The following GRIK1 variants were observed in gnomAD, a reference collection of about 807,000 sequenced individuals.
GRIK1 encodes the protein glutamate ionotropic receptor kainate type subunit 1.
A neutral mutation model predicts 105.7 loss-of-function variants in GRIK1; 69 were observed. The ratio of observed to expected loss-of-function variants is 0.65; its 90% CI spans 0.54 to 0.80. The LOEUF (loss-of-function observed/expected upper bound fraction) is 0.80. Ranked by LOEUF, GRIK1 falls within the 30% of genes least tolerant of loss-of-function variation. The pLI is 0.00. For missense variants in GRIK1, 1,109 were observed against 1,167.3 expected (o/e 0.95, Z 0.73); for synonymous variants, 438 against 431.3 (o/e 1.02, Z -0.19).
chr21:29,786,070 C>T (rs946250748), intron 1 of GRIK1, among the ~76,000 whole-genome samples: 9 of 152,214 alleles, frequency 5.9e-5, no homozygotes, highest in Non-Finnish European at 5.9e-5. Context: ...TCACTGCAAC[C>T]TCTGACTCTC....
chr21:29,656,357 A>AAAAAAAAAAAAC (rs2062851272), intron 4 of GRIK1, among the ~76,000 whole-genome samples: 1 of 85,266 alleles, frequency 1.2e-5, no homozygotes, highest in Non-Finnish European at 2.1e-5. Context: ...CGAGACTCAA[A>AAAAAAAAAAAAC]AAAAAAAAAA....
chr21:29,864,951 T>G (rs467664), intron 1 of GRIK1, among the ~76,000 whole-genome samples: 52,984 of 152,072 alleles, frequency 0.35, 10,618 homozygotes, highest in African/African-American at 0.55. Context: ...AGAGGCCAAG[T>G]AATGCTGCTA....
At chr21:29,779,818 C>G (rs566095110) in intron 1 of GRIK1, among the ~76,000 whole-genome samples, 3 of 152,108 alleles carry the variant, frequency 2.0e-5, no homozygotes, top group Non-Finnish European at 4.4e-5. Context: ...CATGGAACAA[C>G]TTTTGCTGGA....
At chr21:29,629,541 A>G (rs2062214684) in intron 7 of GRIK1, among the ~76,000 whole-genome samples, 1 of 149,816 alleles carries the variant, frequency 6.7e-6, no homozygotes, top group Admixed American at 6.7e-5. Context: ...CCCAGGCTGG[A>G]GTGCAGTGGC....
chr21:29,881,977 A>T (rs930825023), intron 1 of GRIK1, among the ~76,000 whole-genome samples: 1 of 152,282 alleles, frequency 6.6e-6, no homozygotes, highest in South Asian at 2.1e-4. Context: ...TCAAAAATTA[A>T]TAAAACATAC....
intron 1 of GRIK1, chr21:29,759,060 G>A (rs1440950463): frequency 2.0e-5 from 3 of 152,878 alleles, no homozygotes; most frequent in Non-Finnish European, 2.9e-5. Context: ...CCCTCTGTGA[G>A]ACCTTCAGAA....
intron 16 of GRIK1, among the ~76,000 whole-genome samples, chr21:29,548,691 A>G (rs891377935): frequency 6.6e-6 from 1 of 152,188 alleles, no homozygotes; most frequent in African/African-American, 2.4e-5. Flanking sequence ...TCATTGTAGT[A>G]CTGCATTGCC....
chr21:29,791,352 C>A (rs183332586), intron 1 of GRIK1, among the ~76,000 whole-genome samples: 1 of 152,168 alleles, frequency 6.6e-6, no homozygotes, highest in East Asian at 1.9e-4. Context: ...GGTTTGGGGG[C>A]ACTGAAGCCT....
rs543776585 is a variant in GRIK1 at position 29,900,306 on chromosome 21, C to T, written c.118+39077G>A. Reference sequence around the variant, plus strand: ...AATATTAACCTTAAATGTAAATGGGCTAAATGCCCCAATTAAAAGACACAG... The same window carrying T: ...AATATTAACCTTAAATGTAAATGGGTTAAATGCCCCAATTAAAAGACACAG... On this transcript the variant is annotated intron_variant, in intron 1 of 17. Coordinates refer to ENST00000327783, the MANE Select transcript of GRIK1 (RefSeq NM_001330994.2). Among the ~76,000 whole-genome samples, 679 of 151,810 alleles carry T rather than the reference C, an allele frequency of 4.5e-3. 1 individual carries two copies. The highest frequency in any genetic ancestry group is 0.015 in the African/African-American group (638 of 41,396).
intron 4 of GRIK1, among the ~76,000 whole-genome samples, chr21:29,660,083 A>T (rs548927795): frequency 6.6e-6 from 1 of 152,314 alleles, no homozygotes. Context: ...ATATCCTGGG[A>T]CACAGTCATT....
At chr21:29,745,326 T>C (rs1485520533) in intron 1 of GRIK1, among the ~76,000 whole-genome samples, 1 of 152,224 alleles carries the variant, frequency 6.6e-6, no homozygotes, top group African/African-American at 2.4e-5. Context: ...GATGAGACTT[T>C]ACTCTTGTGT....
intron 15 of GRIK1, among the ~76,000 whole-genome samples, chr21:29,557,128 A>G (rs185848618): frequency 1.4e-4 from 22 of 152,324 alleles, no homozygotes; most frequent in African/African-American, 5.3e-4. Context: ...AATCAATGCA[A>G]AGGAAGAGGC....
intron 1 of GRIK1, among the ~76,000 whole-genome samples, chr21:29,886,745 C>T (rs1332036642): frequency 2.0e-5 from 3 of 152,144 alleles, no homozygotes; most frequent in Non-Finnish European, 4.4e-5. Context: ...GTTAATAGAA[C>T]TCTAGGCAAA....
chr21:29,693,500 G>A (rs1397815370), intron 2 of GRIK1, among the ~76,000 whole-genome samples: 3 of 152,200 alleles, frequency 2.0e-5, no homozygotes, highest in Non-Finnish European at 2.9e-5. Flanking sequence ...AATTCAGGGT[G>A]TGAGTTATGT....
intron 1 of GRIK1, among the ~76,000 whole-genome samples, chr21:29,738,998 A>G (rs1219610883): frequency 6.6e-6 from 1 of 152,236 alleles, no homozygotes; most frequent in Non-Finnish European, 1.5e-5. Context: ...CATTTAAAAT[A>G]TTTATTGGCT....
chr21:29,690,535 A>C (rs2063565981), intron 2 of GRIK1, among the ~76,000 whole-genome samples: 1 of 152,232 alleles, frequency 6.6e-6, no homozygotes, highest in African/African-American at 2.4e-5. Flanking sequence ...CTGTCTAATT[A>C]ATTTTCAAAT....
At chr21:29,756,707 A>C (rs117562038) in intron 1 of GRIK1, among the ~76,000 whole-genome samples, 6,451 of 152,278 alleles carry the variant, frequency 0.042, 197 homozygotes, top group Non-Finnish European at 0.066. Context: ...AAACAAAAAA[A>C]CAAAAAAAAC....
chr21:29,846,224 C>T (rs1420725547), intron 1 of GRIK1, among the ~76,000 whole-genome samples: 1 of 130,020 alleles, frequency 7.7e-6, no homozygotes, highest in Non-Finnish European at 1.6e-5. Context: ...AACCCCTTCT[C>T]TACTAAAATA....
chr21:29,913,373 A>T (rs2070885076), intron 1 of GRIK1, among the ~76,000 whole-genome samples: 1 of 152,072 alleles, frequency 6.6e-6, no homozygotes, highest in African/African-American at 2.4e-5. Flanking sequence ...TGTTTTTAAA[A>T]TTTTACTTAC....
Sources: gnomAD v4.1 joint callset for allele counts (sites outside exome capture counted in the v4.1 genomes callset) on GRCh38, gnomAD v4.1.1 for gene constraint, MANE v1.5 for transcripts, NCBI Gene and HGNC (gene_info 2026-07-23, HGNC 2026-07-21) for gene names.